Variants in CNTN5 observed in about 807,000 individuals in gnomAD.
The protein encoded by CNTN5 is contactin 5, also known as contactin-5.
In CNTN5, 77 loss-of-function variants were observed where a neutral mutation model predicts 129.1. The observed-to-expected ratio is 0.60, with a 90% CI of 0.50 to 0.72. The LOEUF is 0.72. Ranked by LOEUF, CNTN5 falls within the 30% of genes least tolerant of loss-of-function variation. The pLI is 0.00. For synonymous variants in CNTN5, 509 were observed against 465.6 expected (o/e 1.09, Z -1.20); for missense variants, 1,478 against 1,328.8 (o/e 1.11, Z -1.75).
At chr11:99,580,573 C>T (rs554980270) in intron 3 of CNTN5, among the ~76,000 whole-genome samples, 40 of 152,154 alleles carry the variant, frequency 2.6e-4, no homozygotes, top group African/African-American at 7.5e-4. Context: ...GTGTATGTGC[C>T]GAGGAATTTA....
chr11:99,335,477 A>G (rs1009588713), intron 2 of CNTN5, among the ~76,000 whole-genome samples: 6 of 151,998 alleles, frequency 3.9e-5, no homozygotes, highest in Non-Finnish European at 7.3e-5. Flanking sequence ...CAATGAAAAT[A>G]GTTTAACAGG....
intron 7 of CNTN5, among the ~76,000 whole-genome samples, chr11:99,924,114 A>G (rs1395734641): frequency 6.6e-6 from 1 of 152,102 alleles, no homozygotes; most frequent in East Asian, 1.9e-4. Flanking sequence ...TTTACTTTTT[A>G]TTAATAGCCA....
At chr11:99,587,269 A>G (rs1028929043) in intron 3 of CNTN5, among the ~76,000 whole-genome samples, 11 of 152,200 alleles carry the variant, frequency 7.2e-5, no homozygotes, top group African/African-American at 2.7e-4. Flanking sequence ...AGAATAGAAC[A>G]TGGAAACAAA....
chr11:100,085,584 T>A (rs1209793502), intron 13 of CNTN5, among the ~76,000 whole-genome samples: 2 of 152,054 alleles, frequency 1.3e-5, no homozygotes, highest in Non-Finnish European at 2.9e-5. Flanking sequence ...TATAGACACC[T>A]ATAAAATAGG....
chr11:99,822,603 C>T (rs1484014834), intron 4 of CNTN5, among the ~76,000 whole-genome samples: 1 of 152,140 alleles, frequency 6.6e-6, no homozygotes, highest in Non-Finnish European at 1.5e-5. Context: ...GTGCTTACCA[C>T]TGCGGACAAA....
At chr11:99,574,270 G>A (rs1462737696) in intron 3 of CNTN5, among the ~76,000 whole-genome samples, 4 of 152,184 alleles carry the variant, frequency 2.6e-5, no homozygotes, top group Admixed American at 6.5e-5. Flanking sequence ...ATTCCATGGT[G>A]TATATTTGTG....
chr11:99,491,221 G>C (rs1296194364), intron 2 of CNTN5, among the ~76,000 whole-genome samples: 1 of 152,112 alleles, frequency 6.6e-6, no homozygotes, highest in African/African-American at 2.4e-5. Flanking sequence ...TTCCCATATA[G>C]TGGTTCAGCA....
At chr11:99,466,183 A>C (rs567108797) in intron 2 of CNTN5, among the ~76,000 whole-genome samples, 1 of 151,814 alleles carries the variant, frequency 6.6e-6, no homozygotes, top group African/African-American at 2.4e-5. Context: ...TGCCCGGCTG[A>C]TGTCACTTTT....
chr11:99,275,056 T>C (rs1565455382), intron 1 of CNTN5, among the ~76,000 whole-genome samples: 1 of 151,456 alleles, frequency 6.6e-6, no homozygotes. Flanking sequence ...TGAATATATA[T>C]CTATAAATGT....
At chr11:99,356,189 C>CCA in intron 2 of CNTN5, among the ~76,000 whole-genome samples, 1 of 64,514 alleles carries the variant, frequency 1.6e-5, no homozygotes, top group South Asian at 7.3e-4. Flanking sequence ...GCCTTAACCA[C>CCA]CCCCCCCCAA....
intron 3 of CNTN5, among the ~76,000 whole-genome samples, chr11:99,719,625 TGAAA>T (rs1943099392): frequency 6.6e-6 from 1 of 151,800 alleles, no homozygotes; most frequent in Admixed American, 6.6e-5. Context: ...ACTTCACAAC[TGAAA>T]GAATTAGAGA....
intron 2 of CNTN5, among the ~76,000 whole-genome samples, chr11:99,489,883 T>C (rs1345543487): frequency 6.6e-6 from 1 of 152,132 alleles, no homozygotes; most frequent in Non-Finnish European, 1.5e-5. Flanking sequence ...AGAGATTGAA[T>C]GTAAAATAGG....
intron 8 of CNTN5, among the ~76,000 whole-genome samples, chr11:99,975,979 TA>T (rs534753647): frequency 2.0e-5 from 3 of 151,940 alleles, no homozygotes; most frequent in Non-Finnish European, 4.4e-5. Context: ...GCCCGTGAAA[TA>T]AAAAAACAAG....
intron 2 of CNTN5, among the ~76,000 whole-genome samples, chr11:99,430,936 CT>C (rs1943340599): frequency 6.6e-6 from 1 of 150,752 alleles, no homozygotes; most frequent in Admixed American, 6.6e-5. Flanking sequence ...AAAAGGTGGC[CT>C]TGCTGTAGAT....
At chr11:99,244,995 C>T (rs1313701238) in intron 1 of CNTN5, among the ~76,000 whole-genome samples, 1 of 152,170 alleles carries the variant, frequency 6.6e-6, no homozygotes, top group African/African-American at 2.4e-5. Context: ...GTGAAACGTT[C>T]ATTGAAGTTC....
At chr11:99,104,873 T>C (rs1200639366) in intron 1 of CNTN5, among the ~76,000 whole-genome samples, 1 of 152,152 alleles carries the variant, frequency 6.6e-6, no homozygotes, top group Non-Finnish European at 1.5e-5. Context: ...TTAAAAATTA[T>C]ACTAAAATTA....
intron 1 of CNTN5, among the ~76,000 whole-genome samples, chr11:99,218,465 C>T (rs774827567): frequency 6.6e-6 from 1 of 152,038 alleles, no homozygotes; most frequent in Non-Finnish European, 1.5e-5. Flanking sequence ...GACCTAAAGT[C>T]CTGTATGTTG....
intron 3 of CNTN5, among the ~76,000 whole-genome samples, chr11:99,586,487 C>T (rs964365798): frequency 1.3e-5 from 2 of 152,170 alleles, no homozygotes; most frequent in African/African-American, 2.4e-5. Flanking sequence ...TTCTGCATAT[C>T]ATGTTCTCTA....
intron 1 of CNTN5, among the ~76,000 whole-genome samples, chr11:99,317,372 AAT>A (rs1251718947): frequency 6.6e-6 from 1 of 152,194 alleles, no homozygotes; most frequent in East Asian, 1.9e-4. Context: ...ATTCTTAACT[AAT>A]AGTGACAGAT....
Sources: allele counts gnomAD v4.1 joint callset (sites outside exome capture counted in the v4.1 genomes callset), GRCh38; gene constraint gnomAD v4.1.1; transcripts MANE v1.5; gene names NCBI Gene and HGNC (gene_info 2026-07-23, HGNC 2026-07-21).